NAT1: variants seen among roughly 807,000 people sequenced by gnomAD.
NAT1 encodes the protein N-acetyltransferase 1.
For missense variants in NAT1, 400 were observed against 339.2 expected (o/e 1.18, Z -1.41); for synonymous variants, 144 against 122.6 (o/e 1.17, Z -1.16).
intron 2 of NAT1, among the ~76,000 whole-genome samples, chr8:18,176,720 C>A (rs1030768618): frequency 6.6e-6 from 1 of 151,632 alleles, no homozygotes; most frequent in Non-Finnish European, 1.5e-5. Context: ...GTTCCATATG[C>A]ATGTTAGGAT....
At chr8:18,195,241 C>T (rs1429753988) in intron 2 of NAT1, among the ~76,000 whole-genome samples, 2 of 152,192 alleles carry the variant, frequency 1.3e-5, no homozygotes. Flanking sequence ...GATCACCACG[C>T]TAGTCCCTAA....
intron 2 of NAT1, among the ~76,000 whole-genome samples, chr8:18,184,619 A>G (rs1802657316): frequency 6.6e-6 from 1 of 152,228 alleles, no homozygotes; most frequent in Admixed American, 6.5e-5. Flanking sequence ...AAGTAATGCT[A>G]TTATTTGAAT....
In NAT1 at chr8:18,188,677, T is replaced by C. The variant is rs78942463; in HGVS notation, n.92+17938T>C. 4.5e-3 allele frequency among the ~76,000 whole-genome samples: 690 copies of C among 152,050 alleles called. 2 individuals carry two copies. The highest frequency in any genetic ancestry group is 0.015 in the African/African-American group (614 of 41,506). ...TTTAAATGAAATTTAATTTTTTAAT[T>C]GATATGTAATAGATATACCTACTTT... On this transcript the variant is annotated intron_variant and non_coding_transcript_variant, in intron 2 of 4. Coordinates refer to the NAT1 transcript ENST00000517441.
At chr8:18,181,852 T>A (rs1802535729) in intron 2 of NAT1, among the ~76,000 whole-genome samples, 1 of 152,172 alleles carries the variant, frequency 6.6e-6, no homozygotes. Context: ...CAGGACTTGT[T>A]TTCCTCCAGT....
chr8:18,209,785 C>A (rs1181087443), upstream of NAT1: 1 of 152,168 alleles, frequency 6.6e-6, no homozygotes, highest in Non-Finnish European at 1.5e-5. Context: ...CTCTAGGTTA[C>A]CAGTTCTGCT....
chr8:18,183,709 TTA>T (rs1802612869), intron 2 of NAT1, among the ~76,000 whole-genome samples: 1 of 152,294 alleles, frequency 6.6e-6, no homozygotes, highest in East Asian at 1.9e-4. Context: ...AACTATTTAT[TTA>T]TATGTTTCCA....
intron 2 of NAT1, among the ~76,000 whole-genome samples, chr8:18,188,407 T>A (rs932570504): frequency 6.6e-6 from 1 of 152,170 alleles, no homozygotes; most frequent in Non-Finnish European, 1.5e-5. Flanking sequence ...ACCACTGATT[T>A]GTTTAAGATA....
At chr8:18,194,466 T>C (rs920727623) in intron 2 of NAT1, among the ~76,000 whole-genome samples, 7 of 152,166 alleles carry the variant, frequency 4.6e-5, no homozygotes, top group Admixed American at 3.9e-4. Context: ...AGGTCTGTTA[T>C]CTCCATATAG....
At chr8:18,179,298 G>T (rs935751829) in intron 2 of NAT1, among the ~76,000 whole-genome samples, 3 of 152,128 alleles carry the variant, frequency 2.0e-5, no homozygotes, top group African/African-American at 7.2e-5. Flanking sequence ...AATAGCAGCA[G>T]ATAAGGTGAA....
In NAT1 at chr8:18,219,382, T is replaced by C. The variant is rs992892450; in HGVS notation, c.-85-29T>C. 25 of 1,450,930 alleles carry C rather than the reference T, an allele frequency of 1.7e-5. No homozygotes were observed. The African/African-American group carries it at 2.8e-4, about 17-fold the overall frequency. The allele number at this position is 1,450,930 out of a possible 1,614,324, so 89.9% of individuals were successfully genotyped here. On this transcript the variant is annotated intron_variant, in intron 1 of 2. Coordinates refer to ENST00000307719, the MANE Select transcript of NAT1 (RefSeq NM_000662.8). ...GTTTTCAAGGAAGTCATGTTATATA[T>C]TTCTGACTGTCTTTTCTCTTATTTC... is the stretch of plus-strand genomic sequence containing the variant.
chr8:18,206,482 CA>C (rs1381776492), upstream of NAT1, among the ~76,000 whole-genome samples: 3 of 152,210 alleles, frequency 2.0e-5, no homozygotes, highest in Admixed American at 2.0e-4. Flanking sequence ...AAGATCTTCA[CA>C]AGGCAAAGAT....
chr8:18,215,065 C>G (rs1450426023), intron 1 of NAT1, among the ~76,000 whole-genome samples: 2 of 152,196 alleles, frequency 1.3e-5, no homozygotes, highest in East Asian at 3.8e-4. Flanking sequence ...ATAAGTACCA[C>G]ATTTTCTTTA....
At position 18,222,471 on chromosome 8, in the gene NAT1, G is replaced by A; in HGVS notation, c.424G>A (p.Asp142Asn). ...WQPLELISGK[D>N]QPQVPCVFRL... ...GCCTCTGGAGTTAATTTCTGGGAAG[G>A]ATCAGCCTCAGGTGCCTTGTGTCTT... Residue 142 changes from aspartate (D) to asparagine (N), a missense_variant, in exon 3 of 3, where the codon GAT (aspartate) becomes AAT (asparagine). Physicochemically the swap from Asp to Asn is conservative, Grantham distance 23. Coordinates refer to ENST00000307719, the MANE Select transcript of NAT1 (RefSeq NM_000662.8). 6.2e-7 allele frequency: 1 copy of A among 1,614,092 alleles called. No homozygotes were observed. Among genetic ancestry groups the A allele is most frequent in the East Asian group, 2.2e-5 (1 of 44,878 alleles).
intron 2 of NAT1, among the ~76,000 whole-genome samples, chr8:18,192,486 C>CTGGGTATA (rs1252540421): frequency 6.6e-5 from 10 of 152,334 alleles, no homozygotes; most frequent in African/African-American, 2.4e-4. Context: ...CATCCCATTA[C>CTGGGTATA]TGGGTATATA....
At chr8:18,214,406 G>C (rs1459276366) in intron 1 of NAT1, among the ~76,000 whole-genome samples, 1 of 151,876 alleles carries the variant, frequency 6.6e-6, no homozygotes, top group African/African-American at 2.4e-5. Flanking sequence ...AGAATATTTG[G>C]AGCAAACTCT....
intron 2 of NAT1, among the ~76,000 whole-genome samples, chr8:18,191,095 G>A (rs992323128): frequency 6.6e-6 from 1 of 151,762 alleles, no homozygotes; most frequent in Non-Finnish European, 1.5e-5. Context: ...AAAAAGATAA[G>A]CAATAAATAT....
chr8:18,184,268 G>A (rs1384232475), intron 2 of NAT1, among the ~76,000 whole-genome samples: 2 of 152,164 alleles, frequency 1.3e-5, no homozygotes, highest in Non-Finnish European at 2.9e-5. Flanking sequence ...CTGCCTTCTG[G>A]AAGACTAGGT....
intron 2 of NAT1, among the ~76,000 whole-genome samples, chr8:18,202,830 G>C (rs992035443): frequency 1.3e-5 from 2 of 152,134 alleles, no homozygotes; most frequent in Non-Finnish European, 2.9e-5. Flanking sequence ...GCGTGGAAGG[G>C]GACCCCAGCA....
chr8:18,182,754 T>A (rs1589057761), intron 2 of NAT1, among the ~76,000 whole-genome samples: 1 of 152,196 alleles, frequency 6.6e-6, no homozygotes, highest in East Asian at 1.9e-4. Context: ...ATGTTAAAAT[T>A]AACTCATCAA....
Sources: allele counts gnomAD v4.1 joint callset (sites outside exome capture counted in the v4.1 genomes callset), GRCh38; gene constraint gnomAD v4.1.1; transcripts MANE v1.5; gene names NCBI Gene and HGNC (gene_info 2026-07-23, HGNC 2026-07-21).